Variants in USP3 observed in about 807,000 individuals in gnomAD.
USP3 encodes ubiquitin specific peptidase 3.
Under a neutral mutation model 72.3 loss-of-function variants are expected in USP3, and 20 were observed. That is an observed-to-expected ratio of 0.28 (90% CI 0.19 to 0.40). USP3 has a LOEUF of 0.40. Ranked by LOEUF, USP3 falls within the 10% of genes least tolerant of loss-of-function variation. USP3 has a pLI of 1.00. For synonymous variants in USP3, 222 were observed against 225.3 expected, an observed-to-expected ratio of 0.99 and a Z score of 0.13; for missense variants, 479 against 633.9, an observed-to-expected ratio of 0.76 and a Z score of 2.62.
At chr15:63,545,970 CAAAAAAAAAAAAAA>C (rs60122671) in intron 3 of USP3, among the ~76,000 whole-genome samples, 8 of 68,856 alleles carry the variant, frequency 1.2e-4, no homozygotes, top group Non-Finnish European at 1.7e-4. Flanking sequence ...GACCTTGTCT[CAAAAAAAAAAAAAA>C]AAAAAAAAAA....
At chr15:63,590,622 T>G (rs2067178586) in intron 14 of USP3, 39 bp from the exon 15 acceptor site, 1 of 1,489,538 alleles carries the variant, frequency 6.7e-7, no homozygotes, top group African/African-American at 1.4e-5. Flanking sequence ...TTTTGTGATT[T>G]CTGAGGTTCT....
intron 1 of USP3, among the ~76,000 whole-genome samples, chr15:63,507,494 A>G (rs1448526696): frequency 6.6e-6 from 1 of 152,216 alleles, no homozygotes; most frequent in Admixed American, 6.5e-5. Flanking sequence ...ACACTGTTCT[A>G]GTAATAGGTG....
intron 9 of USP3, among the ~76,000 whole-genome samples, chr15:63,571,486 G>A (rs2066778081): frequency 6.6e-6 from 1 of 152,196 alleles, no homozygotes; most frequent in Non-Finnish European, 1.5e-5. Flanking sequence ...TAGTAGCTGT[G>A]ATTCCAATTA....
rs936293992 is a variant in USP3, at chr15:63,553,387, G to A, written c.285-328G>A. 4.1e-5 allele frequency: 7 copies of A among 169,450 alleles called. No homozygotes were observed. In the East Asian group the frequency reaches 4.8e-4, roughly 12 times the overall value. 10.5% of individuals were successfully genotyped at this position (169,450 alleles called of 1,614,324 possible). Reference sequence around the variant, plus strand: ...GGCTTAATGCTACATGAAAAGACTCGGTGCTTTTTATTTCATTTTCCATGT... The same window carrying A: ...GGCTTAATGCTACATGAAAAGACTCAGTGCTTTTTATTTCATTTTCCATGT... On this transcript the variant is annotated intron_variant, in intron 3 of 14. Transcript: ENST00000380324. The surrounding 1 kb of genome is among the most constrained non-coding windows in gnomAD (Gnocchi z 4.2).
In USP3 at chr15:63,591,008, G is replaced by GA. The variant is rs1461001996; in HGVS notation, c.*186dup. ...AACTAATTTTGTTGTTGTTCTACCA[G>GA]AAAACCTCAGCAGATGTTTTGATTT... On this transcript the variant is annotated 3_prime_UTR_variant, in exon 15 of 15. Coordinates refer to ENST00000380324, the MANE Select transcript of USP3 (RefSeq NM_006537.4). 3.1e-6 allele frequency: 2 copies of GA among 653,398 alleles called. No individual in the cohort carries two copies. The highest frequency in any genetic ancestry group is 1.9e-5 in the African/African-American group (1 of 53,080). 40.5% of individuals were successfully genotyped at this position (653,398 alleles called of 1,614,324 possible).
At chr15:63,571,952 C>G (rs1045731561) in intron 9 of USP3, among the ~76,000 whole-genome samples, 7 of 152,150 alleles carry the variant, frequency 4.6e-5, no homozygotes, top group Non-Finnish European at 8.8e-5. Flanking sequence ...TGTGCAATGT[C>G]TTTGTTGACT....
At chr15:63,517,387 G>A (rs2065865135) in intron 1 of USP3, among the ~76,000 whole-genome samples, 1 of 151,980 alleles carries the variant, frequency 6.6e-6, no homozygotes, top group South Asian at 2.1e-4. Flanking sequence ...TTGAAGTTTT[G>A]CTGTGCTCCC....
chr15:63,527,700 A>T (rs1045782911), intron 1 of USP3: 83 of 152,252 alleles, frequency 5.5e-4, no homozygotes, highest in African/African-American at 2.0e-3. Context: ...ACCTGAAAAG[A>T]TGCATGGATT....
At position 63,535,066 on chromosome 15, in the gene USP3, G is replaced by A. The variant is rs535157610; in HGVS notation, c.153-1959G>A. Reference sequence around the variant, plus strand: ...CATGCCTCAGCCTCCCAAGTAGTGGGATTACAGGCATGTGCCACCAACCAT... The same window carrying A: ...CATGCCTCAGCCTCCCAAGTAGTGGAATTACAGGCATGTGCCACCAACCAT... On this transcript the variant is annotated intron_variant, in intron 2 of 14. Transcript: ENST00000380324. Among the ~76,000 whole-genome samples, 4 of 152,200 alleles carry A rather than the reference G, an allele frequency of 2.6e-5. No individual in the cohort carries two copies. In the South Asian group the frequency reaches 8.3e-4, roughly 32 times the overall value.
intron 1 of USP3, among the ~76,000 whole-genome samples, chr15:63,524,653 T>A (rs989081095): frequency 2.6e-5 from 4 of 152,014 alleles, no homozygotes. Context: ...CTCCTTGGTG[T>A]CTCTCTGTCC....
chr15:63,545,995 A>AC (rs2066321050), intron 3 of USP3, among the ~76,000 whole-genome samples: 1 of 150,068 alleles, frequency 6.7e-6, no homozygotes, highest in African/African-American at 2.5e-5. Flanking sequence ...AAAAAAAAAA[A>AC]CAGTAGAGCT....
At chr15:63,506,931 C>T (rs190724340) in intron 1 of USP3, among the ~76,000 whole-genome samples, 353 of 152,306 alleles carry the variant, frequency 2.3e-3, no homozygotes, top group Non-Finnish European at 3.9e-3. Flanking sequence ...AACCCGTTGG[C>T]ATCCATTTGT....
At chr15:63,518,777 T>G (rs1224335949) in intron 1 of USP3, among the ~76,000 whole-genome samples, 2 of 152,160 alleles carry the variant, frequency 1.3e-5, no homozygotes, top group Non-Finnish European at 2.9e-5. Context: ...AGGTCTCTTT[T>G]TTTTTTGGGA....
chr15:63,574,210 C>T lies in USP3; in HGVS notation c.1015+58C>T, dbSNP rs944299457. 33 of 1,404,174 alleles carry T rather than the reference C, an allele frequency of 2.4e-5. No homozygotes were observed. Among genetic ancestry groups the T allele is most frequent in the Non-Finnish European group, 3.0e-5 (32 of 1,056,134 alleles). 87.0% of individuals were successfully genotyped at this position (1,404,174 alleles called of 1,614,324 possible). On this transcript the variant is annotated intron_variant, in intron 10 of 14. Transcript: ENST00000380324. The surrounding 1 kb of genome is among the most constrained non-coding windows in gnomAD (Gnocchi z 4.6). ...TTTTATTAAAATAAATTTAATGTTT[C>T]CTTCAAAAAATAAGTGTAAAGAGAA...
At chr15:63,575,158 GTTTT>G (rs11321018) in intron 11 of USP3, among the ~76,000 whole-genome samples, 11 of 121,494 alleles carry the variant, frequency 9.1e-5, no homozygotes, top group African/African-American at 2.8e-4. Context: ...TGTCATGATG[GTTTT>G]TTTTTTTTTT....
At chr15:63,547,404 T>A (rs1371687418) in intron 3 of USP3, among the ~76,000 whole-genome samples, 1 of 152,070 alleles carries the variant, frequency 6.6e-6, no homozygotes, top group African/African-American at 2.4e-5. Flanking sequence ...AAAAAATTTT[T>A]AAACCAGTGA....
chr15:63,584,366 G>A (rs958940412), intron 11 of USP3, among the ~76,000 whole-genome samples: 2 of 152,118 alleles, frequency 1.3e-5, no homozygotes, highest in African/African-American at 4.8e-5. Flanking sequence ...CCAAAGTGCT[G>A]GGATTACAGG....
intron 1 of USP3, among the ~76,000 whole-genome samples, chr15:63,520,561 T>C (rs1240175351): frequency 2.9e-5 from 4 of 138,050 alleles, no homozygotes; most frequent in African/African-American, 1.1e-4. Context: ...TAGATTTTTT[T>C]TTTTTTTTTT....
intron 1 of USP3, 183 bp from the exon 2 acceptor site, chr15:63,532,464 A>T: frequency 1.5e-6 from 1 of 661,634 alleles, no homozygotes; most frequent in Non-Finnish European, 2.6e-6. Flanking sequence ...ACATGCATTT[A>T]AATTCTTTTC....
Sources: gnomAD v4.1 joint callset for allele counts (sites outside exome capture counted in the v4.1 genomes callset) on GRCh38, gnomAD v4.1.1 for gene constraint, Gnocchi (gnomAD v3.1) non-coding constraint, MANE v1.5 for transcripts, NCBI Gene and HGNC (gene_info 2026-07-23, HGNC 2026-07-21) for gene names.